Variants in BTC observed in about 807,000 individuals in gnomAD.
BTC encodes probetacellulin.
A neutral mutation model predicts 18.1 loss-of-function variants in BTC; 13 were observed. The ratio of observed to expected loss-of-function variants is 0.72; its 90% CI spans 0.47 to 1.14. The LOEUF (loss-of-function observed/expected upper bound fraction) is 1.14. Among genes scored for constraint, BTC ranks in the 50% most tolerant of loss-of-function variants. The pLI is 0.00. For synonymous variants in BTC, 83 were observed against 79.4 expected (o/e 1.05, Z -0.24); for missense variants, 247 against 224.2 (o/e 1.10, Z -0.65).
Position 74,756,859 on chromosome 4 carries a change from A to G in BTC, c.164-883T>C, listed in dbSNP as rs1724614565. 2.0e-5 allele frequency among the ~76,000 whole-genome samples: 3 copies of G among 152,356 alleles called. No homozygotes were observed. In the South Asian group the frequency reaches 6.2e-4, roughly 32 times the overall value. Reference sequence around the variant, plus strand: ...TTGATTGCCTAATTTTTCACCTGAGAATAGTAATATGTAGCCATTTCCCCA... The same window carrying G: ...TTGATTGCCTAATTTTTCACCTGAGGATAGTAATATGTAGCCATTTCCCCA... On this transcript the variant is annotated intron_variant, in intron 2 of 5. Coordinates refer to ENST00000395743, the MANE Select transcript of BTC (RefSeq NM_001729.4).
intron 1 of BTC, among the ~76,000 whole-genome samples, chr4:74,773,832 G>T (rs1277273781): frequency 1.3e-5 from 2 of 151,980 alleles, no homozygotes. Flanking sequence ...GGCTGGTCTT[G>T]AACTCCTGAC....
chr4:74,764,644 G>T (rs550634721), intron 2 of BTC, among the ~76,000 whole-genome samples: 1 of 152,192 alleles, frequency 6.6e-6, no homozygotes, highest in South Asian at 2.1e-4. Flanking sequence ...ATACTACTTG[G>T]CCATAAAAAG....
chr4:74,755,243 A>C (rs1577950094), intron 3 of BTC, among the ~76,000 whole-genome samples: 2 of 152,294 alleles, frequency 1.3e-5, no homozygotes, highest in East Asian at 3.9e-4. Flanking sequence ...TTCTCTAAGG[A>C]AAGGTCCCAG....
chr4:74,752,510 C>A (rs1724491163), intron 3 of BTC, among the ~76,000 whole-genome samples: 1 of 151,482 alleles, frequency 6.6e-6, no homozygotes, highest in African/African-American at 2.4e-5. Context: ...TCCGAAGTAA[C>A]TGGGACTAAA....
At chr4:74,767,011 G>A (rs932468769) in intron 2 of BTC, among the ~76,000 whole-genome samples, 2 of 152,020 alleles carry the variant, frequency 1.3e-5, no homozygotes, top group African/African-American at 4.8e-5. Context: ...AAGATCAGGA[G>A]CAAGACAAGA....
At chr4:74,775,603 C>T (rs977634548) in intron 1 of BTC, among the ~76,000 whole-genome samples, 2 of 152,204 alleles carry the variant, frequency 1.3e-5, no homozygotes, top group African/African-American at 4.8e-5. Context: ...ATTTCAATCT[C>T]TTCCGAAATA....
At chr4:74,790,638 A>T (rs1465393018) in intron 1 of BTC, among the ~76,000 whole-genome samples, 1 of 152,230 alleles carries the variant, frequency 6.6e-6, no homozygotes, top group Non-Finnish European at 1.5e-5. Flanking sequence ...TGCACTAAGC[A>T]GACTGGAGAA....
At chr4:74,777,151 C>T (rs552161775) in intron 1 of BTC, among the ~76,000 whole-genome samples, 1 of 152,230 alleles carries the variant, frequency 6.6e-6, no homozygotes, top group Non-Finnish European at 1.5e-5. Flanking sequence ...CCTAGATCTA[C>T]CTTTTATGCA....
At chr4:74,794,027 C>A (rs1288253341) in intron 1 of BTC, among the ~76,000 whole-genome samples, 2 of 152,132 alleles carry the variant, frequency 1.3e-5, no homozygotes, top group Admixed American at 6.5e-5. Flanking sequence ...GAATCGCTTC[C>A]GCCCTCGGGC....
chr4:74,789,627 A>C (rs1425092319), intron 1 of BTC, among the ~76,000 whole-genome samples: 1 of 152,324 alleles, frequency 6.6e-6, no homozygotes, highest in South Asian at 2.1e-4. Context: ...ATGCATGGCT[A>C]TCTGTTCTTG....
intron 4 of BTC, among the ~76,000 whole-genome samples, chr4:74,749,772 A>T (rs1011286950): frequency 9.3e-5 from 13 of 139,580 alleles, no homozygotes; most frequent in Non-Finnish European, 1.6e-5. Context: ...AAAGTTCCCA[A>T]AAAGAAACTA....
rs770883015 is a variant in BTC, at chr4:74,794,239, C to T, written c.64+23G>A. 3.2e-6 allele frequency: 5 copies of T among 1,550,150 alleles called. No individual in the cohort carries two copies. The South Asian group carries it at 3.6e-5, about 11-fold the overall frequency. ...AGCCCCAGACTTTCCTCCTGGTTTCCAGTGCCCAGCACGGCCACTTACCCA... is the reference window on the plus strand; with the variant it reads ...AGCCCCAGACTTTCCTCCTGGTTTCTAGTGCCCAGCACGGCCACTTACCCA... On this transcript the variant is annotated intron_variant, in intron 1 of 5. Coordinates refer to ENST00000395743, the MANE Select transcript of BTC (RefSeq NM_001729.4).
chr4:74,792,008 A>C (rs28707429), intron 1 of BTC, among the ~76,000 whole-genome samples: 10,152 of 105,312 alleles, frequency 0.096, 555 homozygotes, highest in African/African-American at 0.22. Flanking sequence ...CACACACACA[A>C]ACACTAGTGT....
intron 1 of BTC, among the ~76,000 whole-genome samples, chr4:74,779,353 A>G (rs1276430467): frequency 6.6e-6 from 1 of 152,174 alleles, no homozygotes; most frequent in Non-Finnish European, 1.5e-5. Context: ...TTTTTTTACT[A>G]TTACCATTAT....
intron 4 of BTC, among the ~76,000 whole-genome samples, chr4:74,748,740 G>T (rs1050577751): frequency 6.6e-6 from 1 of 152,156 alleles, no homozygotes; most frequent in Non-Finnish European, 1.5e-5. Flanking sequence ...TAGTGTACAC[G>T]TAGTGTAAAA....
intron 1 of BTC, among the ~76,000 whole-genome samples, chr4:74,771,385 T>C (rs949745753): frequency 1.3e-5 from 2 of 152,240 alleles, no homozygotes; most frequent in Non-Finnish European, 2.9e-5. Context: ...ATACATCTAA[T>C]GATTTCTAAA....
Position 74,794,508 on chromosome 4 carries a change from G to A in BTC, c.-183C>T. ...AGGGAAACACCCAGGGCGGGAGGCCGGCCGGCTCCGTGAATGTCGCCGGGA... is the reference window on the plus strand; with the variant it reads ...AGGGAAACACCCAGGGCGGGAGGCCAGCCGGCTCCGTGAATGTCGCCGGGA... On this transcript the variant is annotated 5_prime_UTR_variant, in exon 1 of 6. Coordinates refer to ENST00000395743, the MANE Select transcript of BTC (RefSeq NM_001729.4). 7.6e-6 allele frequency: 5 copies of A among 657,740 alleles called. No individual in the cohort carries two copies. The highest frequency in any genetic ancestry group is 1.0e-5 in the Non-Finnish European group (4 of 400,856). 40.7% of individuals were successfully genotyped at this position (657,740 alleles called of 1,614,324 possible). A position where few individuals can be genotyped will look rare whatever the true frequency, so the allele number is the denominator to read the frequency against.
At position 74,750,515 on chromosome 4, in the gene BTC, A is replaced by G. The variant is rs1326405479; in HGVS notation, c.428+58T>C. 2.0e-6 allele frequency: 3 copies of G among 1,507,304 alleles called. No homozygotes were observed. The African/African-American group carries it at 4.2e-5, about 21-fold the overall frequency. 93.4% of individuals were successfully genotyped at this position (1,507,304 alleles called of 1,614,324 possible). A position where few individuals can be genotyped will look rare whatever the true frequency, so the allele number is the denominator to read the frequency against. ...ATGTAAAGAGGAAGAAAAGAAGAAA[A>G]ACTATGAGCAAATACTGTTTCTCAG... is the stretch of plus-strand genomic sequence containing the variant. On this transcript the variant is annotated intron_variant, in intron 4 of 5. Transcript: ENST00000395743.
intron 2 of BTC, among the ~76,000 whole-genome samples, chr4:74,765,812 A>G (rs1332899769): frequency 1.3e-5 from 2 of 152,192 alleles, no homozygotes; most frequent in Non-Finnish European, 2.9e-5. Context: ...CTTGTAGGCC[A>G]GAAAGGATGA....
Sources: gnomAD v4.1 joint callset for allele counts (sites outside exome capture counted in the v4.1 genomes callset) on GRCh38, gnomAD v4.1.1 for gene constraint, MANE v1.5 for transcripts, NCBI Gene and HGNC (gene_info 2026-07-23, HGNC 2026-07-21) for gene names.